Variants in EVC observed in about 807,000 individuals in gnomAD.
EVC encodes evC complex member EVC.
In EVC, 116 loss-of-function variants were observed where a neutral mutation model predicts 118.9. The ratio of observed to expected loss-of-function variants is 0.98; its 90% CI spans 0.84 to 1.14. The LOEUF (loss-of-function observed/expected upper bound fraction) is 1.14. EVC is among the 50% of genes most tolerant of loss of function. The probability of loss-of-function intolerance (pLI) is 0.00; values close to 1 mark genes in which losing one functional copy is unlikely to be tolerated. For synonymous variants in EVC, 619 were observed against 534.7 expected (o/e 1.16, Z -2.18); for missense variants, 1,401 against 1,246.4 (o/e 1.12, Z -1.87).
At chr4:5,717,442 C>A (rs1168198236) in intron 1 of EVC, among the ~76,000 whole-genome samples, 1 of 152,000 alleles carries the variant, frequency 6.6e-6, no homozygotes, top group Non-Finnish European at 1.5e-5. Context: ...GGCTAGTGAC[C>A]CTCTAGACAT....
intron 9 of EVC, 74 bp downstream of exon 9, chr4:5,753,126 C>A: frequency 7.3e-7 from 1 of 1,374,138 alleles, no homozygotes; most frequent in Non-Finnish European, 1.0e-6. Flanking sequence ...AGTGAGAGGG[C>A]TGGCAGCCTG....
intron 2 of EVC, among the ~76,000 whole-genome samples, chr4:5,724,393 G>A (rs1377645465): frequency 6.6e-6 from 1 of 152,202 alleles, no homozygotes; most frequent in Non-Finnish European, 1.5e-5. Context: ...TTCTGAACAC[G>A]GTGAAGCCAA....
rs779379855 is a variant in EVC at position 5,729,355 on chromosome 4, G to A, written c.349G>A (p.Ala117Thr). 1 of 1,614,128 alleles carries A rather than the reference G, an allele frequency of 6.2e-7. No individual in the cohort carries two copies. Among genetic ancestry groups the A allele is most frequent in the Non-Finnish European group, 8.5e-7 (1 of 1,180,022 alleles). ...CAATATCACAGCATTCGCCCTGAAGGCCAAAGTCATCTACCCCATCAATCA... is the reference window on the plus strand; with the variant it reads ...CAATATCACAGCATTCGCCCTGAAGACCAAAGTCATCTACCCCATCAATCA... ...NSNITAFALK[A>T]KVIYPINQKF... is the part of the protein sequence containing the mutation. Residue 117 changes from alanine (A) to threonine (T), a missense_variant, in exon 3 of 21, where the codon GCC becomes ACC. Ala to Thr is a moderately conservative substitution (Grantham distance 58, BLOSUM62 0). Coordinates refer to ENST00000264956, the MANE Select transcript of EVC (RefSeq NM_153717.3).
chr4:5,750,927 G>A (rs3774861), intron 8 of EVC, among the ~76,000 whole-genome samples: 81,036 of 151,854 alleles, frequency 0.53, 21,840 homozygotes, highest in East Asian at 0.62. Context: ...GAATTCCCAG[G>A]GCGGCATCCC....
intron 2 of EVC, among the ~76,000 whole-genome samples, chr4:5,729,014 A>G (rs1337108378): frequency 1.3e-5 from 2 of 151,910 alleles, no homozygotes; most frequent in African/African-American, 4.8e-5. Context: ...CCATCCTTCC[A>G]TCCAACCACC....
At position 5,719,141 on chromosome 4, in the gene EVC, C is replaced by G; in HGVS notation, c.175-107C>G. The G allele has an allele frequency of 6.9e-7, 1 of 1,439,886 alleles. No individual in the cohort carries two copies. Among genetic ancestry groups the G allele is most frequent in the Non-Finnish European group, 9.7e-7 (1 of 1,027,714 alleles). 89.2% of individuals were successfully genotyped at this position (1,439,886 alleles called of 1,614,324 possible). A position where few individuals can be genotyped will look rare whatever the true frequency, so the allele number is the denominator to read the frequency against. ...GAAGCACAGAGGCGAGCAGAAGTGG[C>G]TGCTGGACTGGGGGAGTTGACTGGC... On this transcript the variant is annotated intron_variant, in intron 1 of 20. Coordinates refer to ENST00000264956, the MANE Select transcript of EVC (RefSeq NM_153717.3). This position sits in a 1 kb window ranked among gnomAD's most constrained non-coding sequence, Gnocchi z 4.7.
chr4:5,801,808 T>G (rs1222724511), intron 15 of EVC, 142 bp from the exon 16 acceptor site: 3 of 856,894 alleles, frequency 3.5e-6, no homozygotes, highest in Admixed American at 2.0e-5. Flanking sequence ...CCATGCACTC[T>G]CTGCCTGCTT....
downstream of EVC, among the ~76,000 whole-genome samples, chr4:5,815,208 G>A (rs958353705): frequency 3.3e-5 from 5 of 152,218 alleles, no homozygotes; most frequent in East Asian, 1.9e-4. Context: ...GCCCACTCCC[G>A]GGTCTCGGTG....
intron 9 of EVC, among the ~76,000 whole-genome samples, 192 bp downstream of exon 9, chr4:5,753,244 A>T (rs1015742266): frequency 5.9e-5 from 9 of 152,230 alleles, no homozygotes; most frequent in African/African-American, 2.2e-4. Context: ...TGTACAGCAG[A>T]GTCCATGAGG....
intron 3 of EVC, among the ~76,000 whole-genome samples, chr4:5,729,738 T>C (rs1726483301): frequency 6.6e-6 from 1 of 152,218 alleles, no homozygotes; most frequent in African/African-American, 2.4e-5. Context: ...CAGCTGGCAC[T>C]TACTGAACAC....
intron 11 of EVC, among the ~76,000 whole-genome samples, chr4:5,778,811 G>GT (rs1160535530): frequency 6.6e-6 from 1 of 152,140 alleles, no homozygotes; most frequent in Non-Finnish European, 1.5e-5. Context: ...TCTGATGGTA[G>GT]TTTCTTTTGC....
At chr4:5,782,536 GAAAAAA>G (rs71171483) in intron 11 of EVC, among the ~76,000 whole-genome samples, 12 of 45,732 alleles carry the variant, frequency 2.6e-4, no homozygotes, top group Admixed American at 4.3e-4. Flanking sequence ...TGTTTTAAAT[GAAAAAA>G]AAAAAAAAAA....
chr4:5,795,434 C>T (rs577487308), intron 13 of EVC, among the ~76,000 whole-genome samples: 1 of 152,152 alleles, frequency 6.6e-6, no homozygotes, highest in Admixed American at 6.5e-5. Context: ...GGCAGATCGC[C>T]TGAGCTCAGG....
At chr4:5,788,603 G>A (rs1359946519) in intron 12 of EVC, among the ~76,000 whole-genome samples, 1 of 152,180 alleles carries the variant, frequency 6.6e-6, no homozygotes, top group Non-Finnish European at 1.5e-5. Context: ...AAACCTTGGG[G>A]TCATCCTCGA....
At chr4:5,807,994 G>T (rs567917251) in intron 17 of EVC, among the ~76,000 whole-genome samples, 10 of 152,312 alleles carry the variant, frequency 6.6e-5, no homozygotes, top group South Asian at 4.1e-4. Context: ...CTAAACTCCC[G>T]TGTTGTAAAG....
intron 4 of EVC, among the ~76,000 whole-genome samples, chr4:5,732,311 C>T (rs1726957061): frequency 6.6e-6 from 1 of 152,190 alleles, no homozygotes; most frequent in South Asian, 2.1e-4. Context: ...CCGCTGAGTC[C>T]AAGAGGTGGG....
rs1314062413 is a variant in EVC at position 5,726,817 on chromosome 4, C to T, written c.301-2490C>T. On this transcript the variant is annotated intron_variant, in intron 2 of 20. Coordinates refer to ENST00000264956, the MANE Select transcript of EVC (RefSeq NM_153717.3). ...ATTCCCACCTATGAGTGAGAATATG[C>T]GGTGTTTGGTTTTTTGTTCTTGCGA... Among the ~76,000 whole-genome samples the T allele has an allele frequency of 1.4e-4, 20 of 146,578 alleles. No individual in the cohort carries two copies. In the East Asian group the frequency reaches 1.7e-3, roughly 12 times the overall value.
Position 5,752,816 on chromosome 4 carries a change from C to T in EVC, c.1099-20C>T, listed in dbSNP as rs772783476. 186 of 1,613,044 alleles carry T rather than the reference C, an allele frequency of 1.2e-4. No homozygotes were observed. The highest frequency in any genetic ancestry group is 2.3e-4 in the Admixed American group (14 of 60,006). ...TTCCCAGGACACCCCAGCTATGGTCCTGTGTGTTTCTTTTTGCAGGACGCC... is the reference window on the plus strand; with the variant it reads ...TTCCCAGGACACCCCAGCTATGGTCTTGTGTGTTTCTTTTTGCAGGACGCC... On this transcript the variant is annotated intron_variant, in intron 8 of 20. Transcript: ENST00000264956.
At chr4:5,717,412 A>G (rs1724158140) in intron 1 of EVC, among the ~76,000 whole-genome samples, 1 of 151,984 alleles carries the variant, frequency 6.6e-6, no homozygotes, top group Admixed American at 6.5e-5. Context: ...TATCTTTCAT[A>G]TTAGAGTCTG....
Sources: gnomAD v4.1 joint callset for allele counts (sites outside exome capture counted in the v4.1 genomes callset) on GRCh38, gnomAD v4.1.1 for gene constraint, Gnocchi (gnomAD v3.1) non-coding constraint, MANE v1.5 for transcripts, NCBI Gene and HGNC (gene_info 2026-07-23, HGNC 2026-07-21) for gene names.